The following OSCP1 variants were observed in gnomAD, a reference collection of about 807,000 sequenced individuals.
OSCP1 encodes organic solute carrier partner 1.
In OSCP1, 35 loss-of-function variants were observed where a neutral mutation model predicts 45.1. The ratio of observed to expected loss-of-function variants is 0.78; its 90% CI spans 0.59 to 1.03. The LOEUF is 1.03. Ranked by LOEUF, OSCP1 falls within the 50% of genes least tolerant of loss-of-function variation. The pLI, the probability that OSCP1 is intolerant of heterozygous loss-of-function variation, is 0.00. For synonymous variants in OSCP1, 179 were observed against 180.1 expected (o/e 0.99, Z 0.05); for missense variants, 400 against 470.7 (o/e 0.85, Z 1.39).
chr1:36,421,750 G>T, intron 7 of OSCP1, among the ~76,000 whole-genome samples: 1 of 152,208 alleles, frequency 6.6e-6, no homozygotes, highest in East Asian at 1.9e-4. Flanking sequence ...GGAATTCAGA[G>T]AAACTAAAAC....
intron 1 of OSCP1, among the ~76,000 whole-genome samples, chr1:36,450,054 G>A (rs1649801423): frequency 6.6e-6 from 1 of 151,712 alleles, no homozygotes; most frequent in Non-Finnish European, 1.5e-5. Flanking sequence ...TCCACTGGGA[G>A]TATTAAGTTC....
chr1:36,431,492 A>T lies in OSCP1; in HGVS notation c.516+310T>A, dbSNP rs948221553. Among the ~76,000 whole-genome samples, 12 of 152,210 alleles carry T rather than the reference A, an allele frequency of 7.9e-5. 1 individual carries two copies. In the South Asian group the frequency reaches 2.1e-3, roughly 26 times the overall value. ...GGAGAGGTCAAGGAGGATACAGCTC[A>T]ACAAAAGGTTTTGCAGTTGAGATCA... On this transcript the variant is annotated intron_variant, in intron 4 of 9. Transcript: ENST00000235532.
intron 1 of OSCP1, among the ~76,000 whole-genome samples, chr1:36,444,795 G>A (rs1023014057): frequency 2.6e-5 from 4 of 152,138 alleles, no homozygotes; most frequent in Non-Finnish European, 5.9e-5. Context: ...TAAACTTCAA[G>A]CAACTTGTTT....
intron 2 of OSCP1, among the ~76,000 whole-genome samples, chr1:36,436,935 T>A (rs1648786609): frequency 6.6e-6 from 1 of 152,154 alleles, no homozygotes; most frequent in Non-Finnish European, 1.5e-5. Flanking sequence ...TTGTGTGATG[T>A]TTTTCTTATG....
At chr1:36,424,337 G>C (rs1467116195) in intron 4 of OSCP1, among the ~76,000 whole-genome samples, 1 of 152,198 alleles carries the variant, frequency 6.6e-6, no homozygotes, top group Non-Finnish European at 1.5e-5. Flanking sequence ...AGAGTGAAGT[G>C]ACTTGCCCAA....
chr1:36,426,147 G>C (rs1027436819), intron 4 of OSCP1, among the ~76,000 whole-genome samples: 1 of 152,196 alleles, frequency 6.6e-6, no homozygotes, highest in Non-Finnish European at 1.5e-5. Flanking sequence ...AAAGGAGAAA[G>C]AAAATTTAGA....
At chr1:36,442,465 G>C (rs1557567101) in intron 1 of OSCP1, among the ~76,000 whole-genome samples, 1 of 152,182 alleles carries the variant, frequency 6.6e-6, no homozygotes, top group Admixed American at 6.5e-5. Flanking sequence ...TATGCATCAA[G>C]GGAGGGACGG....
At chr1:36,424,601 G>T (rs777735219) in intron 4 of OSCP1, among the ~76,000 whole-genome samples, 4 of 152,168 alleles carry the variant, frequency 2.6e-5, no homozygotes, top group Non-Finnish European at 5.9e-5. Flanking sequence ...CCACATGCTG[G>T]ACTAGAAAGA....
chr1:36,427,058 TG>T lies in OSCP1; in HGVS notation c.517-3593del, dbSNP rs1176173695. On this transcript the variant is annotated intron_variant, in intron 4 of 9. Transcript: ENST00000235532. The stretch of plus-strand genomic sequence containing the variant: ...CTCTGTCGCCCAGGCTAGAGTACAG[TG>T]GCATGATCTCGGCTTACTGCAACCT... Among the ~76,000 whole-genome samples, 7 of 151,164 alleles carry T rather than the reference TG, an allele frequency of 4.6e-5. No individual in the cohort carries two copies. In the East Asian group the frequency reaches 1.4e-3, roughly 30 times the overall value.
At chr1:36,422,112 A>G (rs372763443) in intron 7 of OSCP1, 38 bp downstream of exon 7, 1 of 1,575,844 alleles carries the variant, frequency 6.3e-7, no homozygotes, top group African/African-American at 1.4e-5. Context: ...GTATCTAGAG[A>G]GAAGCTGTGA....
At chr1:36,432,086 C>T (rs1421853433) in intron 3 of OSCP1, among the ~76,000 whole-genome samples, 2 of 152,214 alleles carry the variant, frequency 1.3e-5, no homozygotes, top group Non-Finnish European at 2.9e-5. Flanking sequence ...AGCAGGGGTA[C>T]ACTTCCTGTC....
At position 36,450,291 on chromosome 1, in the gene OSCP1, C is replaced by T. The variant is rs1168813840; in HGVS notation, c.79G>A (p.Ala27Thr). The stretch of plus-strand genomic sequence containing the variant: ...GCCTTGTCTCCCGGGATGTTCTGGG[C>T]CCGCAGCCGTTGGTCGAGGATGTAA... ...MLYILDQRLR[A>T]QNIPGDKARK... The change falls in exon 1 of 10, where the codon GCC becomes ACC. Residue 27 changes from alanine to threonine, a missense_variant. Physicochemically the swap from Ala to Thr is moderately conservative, Grantham distance 58. Coordinates refer to ENST00000235532, the MANE Select transcript of OSCP1 (RefSeq NM_145047.5). The T allele has an allele frequency of 1.9e-6, 3 of 1,613,584 alleles. No homozygotes were observed. The highest frequency in any genetic ancestry group is 4.5e-5 in the East Asian group (2 of 44,794).
intron 4 of OSCP1, chr1:36,428,540 G>A: frequency 6.7e-7 from 1 of 1,491,266 alleles, no homozygotes; most frequent in Non-Finnish European, 8.9e-7. Context: ...AACAAAATTA[G>A]GTATTATAAT....
At chr1:36,419,153 C>T (rs1426853167) in intron 8 of OSCP1, 99 bp from the exon 9 acceptor site, 2 of 1,017,416 alleles carry the variant, frequency 2.0e-6, no homozygotes, top group Non-Finnish European at 3.1e-6. Context: ...ATTTTTTCTG[C>T]CTCATCTGCC....
intron 4 of OSCP1, among the ~76,000 whole-genome samples, chr1:36,425,076 G>A (rs1279489704): frequency 6.6e-6 from 1 of 151,716 alleles, no homozygotes; most frequent in Admixed American, 6.6e-5. Context: ...ACAAGGACAA[G>A]GCACGAGAAT....
chr1:36,429,378 C>A (rs1472546391), intron 4 of OSCP1, among the ~76,000 whole-genome samples: 3 of 143,576 alleles, frequency 2.1e-5, no homozygotes, highest in African/African-American at 7.7e-5. Context: ...AAAATGAGAA[C>A]CTGTCTCAAA....
At chr1:36,418,942 A>T in intron 9 of OSCP1, 49 bp downstream of exon 9, 4 of 1,432,896 alleles carry the variant, frequency 2.8e-6, no homozygotes, top group Non-Finnish European at 2.9e-6. Flanking sequence ...AAAAAAAAAA[A>T]GATGAGGAAG....
At chr1:36,443,830 CTTAAGT>C (rs775759577) in intron 1 of OSCP1, among the ~76,000 whole-genome samples, 1 of 152,196 alleles carries the variant, frequency 6.6e-6, no homozygotes, top group Non-Finnish European at 1.5e-5. Context: ...ATTTCTTCCT[CTTAAGT>C]AAAAGATTCA....
chr1:36,422,014 G>A (rs1020647695), intron 7 of OSCP1, 136 bp downstream of exon 7: 13 of 801,748 alleles, frequency 1.6e-5, no homozygotes, highest in African/African-American at 1.2e-4. Context: ...TACTCGTAAG[G>A]TGGAATGGAG....
Sources: allele counts gnomAD v4.1 joint callset (sites outside exome capture counted in the v4.1 genomes callset), GRCh38; gene constraint gnomAD v4.1.1; transcripts MANE v1.5; gene names NCBI Gene and HGNC (gene_info 2026-07-23, HGNC 2026-07-21).